The following KIAA1217 variants were observed in gnomAD, a reference collection of about 807,000 sequenced individuals.
KIAA1217 encodes sickle tail protein homolog.
A neutral mutation model predicts 163.9 loss-of-function variants in KIAA1217; 88 were observed. That is an observed-to-expected ratio of 0.54 (90% confidence interval 0.45 to 0.64). The LOEUF (loss-of-function observed/expected upper bound fraction) is 0.64, where lower values mean the gene tolerates loss of function less well. Ranked by LOEUF, KIAA1217 falls within the 30% of genes least tolerant of loss-of-function variation. The probability of loss-of-function intolerance (pLI) is 0.00; values close to 1 mark genes in which losing one functional copy is unlikely to be tolerated. For synonymous variants in KIAA1217, 903 were observed against 923.1 expected (o/e 0.98, Z 0.39); for missense variants, 2,372 against 2,475.0 (o/e 0.96, Z 0.88).
intron 2 of KIAA1217, among the ~76,000 whole-genome samples, chr10:24,267,338 T>C (rs1564372819): frequency 6.6e-6 from 1 of 152,174 alleles, no homozygotes; most frequent in Admixed American, 6.5e-5. Context: ...GGAATAAATA[T>C]TCTATCAGGA....
chr10:24,406,117 C>G (rs1416555942), intron 3 of KIAA1217, among the ~76,000 whole-genome samples: 1 of 152,126 alleles, frequency 6.6e-6, no homozygotes, highest in Non-Finnish European at 1.5e-5. Context: ...CATTGTGAAG[C>G]CATGTGTCCC....
At chr10:24,442,292 T>C (rs2060561455) in intron 5 of KIAA1217, among the ~76,000 whole-genome samples, 1 of 152,228 alleles carries the variant, frequency 6.6e-6, no homozygotes, top group African/African-American at 2.4e-5. Flanking sequence ...GCTTCCTTCA[T>C]TCCCTAACTC....
At chr10:24,153,039 C>G (rs1251600664) in intron 2 of KIAA1217, among the ~76,000 whole-genome samples, 1 of 152,350 alleles carries the variant, frequency 6.6e-6, no homozygotes, top group East Asian at 1.9e-4. Flanking sequence ...TGCAAATCCT[C>G]TGTTCTCCAG....
At chr10:24,088,088 G>A (rs1436921394) in intron 2 of KIAA1217, among the ~76,000 whole-genome samples, 1 of 122,900 alleles carries the variant, frequency 8.1e-6, no homozygotes, top group East Asian at 2.0e-4. Context: ...CAACTATATT[G>A]CATACAGTAA....
rs567696326 is a variant in KIAA1217, at chr10:24,061,733, C to T, written c.-171+54359C>T. ...CACTCCCTTCTGAATTGCAAGTATT[C>T]TGCTGAAAAACCCATTGAAAATCTT... On this transcript the variant is annotated intron_variant, in intron 2 of 18. Transcript: ENST00000376462. Among the ~76,000 whole-genome samples, 37 of 152,188 alleles carry T rather than the reference C, an allele frequency of 2.4e-4. 1 individual carries two copies. Among genetic ancestry groups the T allele is most frequent in the Admixed American group, 2.0e-3 (31 of 15,270 alleles).
At chr10:24,098,800 T>G (rs961775456) in intron 2 of KIAA1217, among the ~76,000 whole-genome samples, 1 of 150,732 alleles carries the variant, frequency 6.6e-6, no homozygotes, top group Non-Finnish European at 1.5e-5. Flanking sequence ...AGAATGCCTA[T>G]TGGAAGACCC....
intron 1 of KIAA1217, among the ~76,000 whole-genome samples, chr10:23,857,196 G>T (rs116206341): frequency 0.015 from 2,356 of 152,260 alleles, 65 homozygotes; most frequent in African/African-American, 0.051. Context: ...TTTGGGTAGG[G>T]ATGTGAATCC....
chr10:23,914,172 G>T (rs1842549736), intron 1 of KIAA1217, among the ~76,000 whole-genome samples: 1 of 152,146 alleles, frequency 6.6e-6, no homozygotes, highest in East Asian at 1.9e-4. Flanking sequence ...CATTCTTCCA[G>T]GCAGAGGAAG....
chr10:23,913,815 T>C (rs59774289), intron 1 of KIAA1217, among the ~76,000 whole-genome samples: 61,936 of 151,996 alleles, frequency 0.41, 15,657 homozygotes, highest in African/African-American at 0.72. Flanking sequence ...GACAATCCCA[T>C]GGGGGAGTCT....
At chr10:23,827,788 G>T (rs921335617) in intron 1 of KIAA1217, among the ~76,000 whole-genome samples, 2 of 152,208 alleles carry the variant, frequency 1.3e-5, no homozygotes, top group African/African-American at 4.8e-5. Flanking sequence ...GCCTGAAATT[G>T]CTGAGTAACG....
intron 2 of KIAA1217, among the ~76,000 whole-genome samples, chr10:24,318,251 T>C (rs766521749): frequency 1.3e-5 from 2 of 152,074 alleles, no homozygotes; most frequent in Non-Finnish European, 2.9e-5. Context: ...GATGTATAGA[T>C]AGATGAATAG....
intron 2 of KIAA1217, among the ~76,000 whole-genome samples, chr10:24,009,790 A>G (rs1284849560): frequency 2.0e-5 from 3 of 152,090 alleles, no homozygotes; most frequent in Non-Finnish European, 4.4e-5. Context: ...CTGGCTCTTG[A>G]CACTTGTTCT....
chr10:23,833,507 CA>C (rs1564460657), intron 1 of KIAA1217, among the ~76,000 whole-genome samples: 1 of 151,208 alleles, frequency 6.6e-6, no homozygotes, highest in Non-Finnish European at 1.5e-5. Context: ...CTAAGTAAAC[CA>C]TTATCTTTCC....
chr10:23,979,739 A>G (rs531758246), intron 1 of KIAA1217, among the ~76,000 whole-genome samples: 17 of 152,178 alleles, frequency 1.1e-4, no homozygotes, highest in Non-Finnish European at 1.5e-4. Context: ...GTGGAAGCCA[A>G]ATTGCAAGAT....
At chr10:24,404,856 G>GA (rs950180292) in intron 3 of KIAA1217, among the ~76,000 whole-genome samples, 1 of 151,674 alleles carries the variant, frequency 6.6e-6, no homozygotes, top group Non-Finnish European at 1.5e-5. Flanking sequence ...GCTCAGTGAG[G>GA]AAAAAAGAAA....
rs747937187 is a variant in KIAA1217, at chr10:24,495,128, C to T, written c.1785-19C>T. The T allele has an allele frequency of 3.7e-6, 6 of 1,602,262 alleles. No homozygotes were observed. The South Asian group carries it at 4.5e-5, about 12-fold the overall frequency. On this transcript the variant is annotated intron_variant, in intron 7 of 20. Coordinates refer to ENST00000376454, the MANE Select transcript of KIAA1217 (RefSeq NM_019590.5). ...CATTTTGGAAACTGCATAGCTGACT[C>T]TCTTTTTCTTTTATTCAGCGAGAAA...
chr10:24,100,305 C>T (rs1224168659), intron 2 of KIAA1217, among the ~76,000 whole-genome samples: 2 of 152,218 alleles, frequency 1.3e-5, no homozygotes, highest in African/African-American at 2.4e-5. Flanking sequence ...GGTTTCTGTG[C>T]AGACAGCGAC....
In KIAA1217 at chr10:24,038,175, A is replaced by G. The variant is rs568571842; in HGVS notation, c.-171+30801A>G. On this transcript the variant is annotated intron_variant, in intron 2 of 18. Coordinates refer to the KIAA1217 transcript ENST00000376462. Reference sequence around the variant, plus strand: ...GAAAATATACCATGCACTGTTGACCATGGCCCTGTGTTCAGCCTTTATGAT... The same window carrying G: ...GAAAATATACCATGCACTGTTGACCGTGGCCCTGTGTTCAGCCTTTATGAT... Among the ~76,000 whole-genome samples the G allele has an allele frequency of 2.0e-5, 3 of 152,294 alleles. No homozygotes were observed. In the East Asian group the frequency reaches 5.8e-4, roughly 29 times the overall value.
rs180955828 is a variant in KIAA1217, at chr10:24,301,780, C to T, written c.355-79089C>T. Among the ~76,000 whole-genome samples the T allele has an allele frequency of 4.5e-3, 693 of 152,338 alleles. 4 individuals are homozygous for T. Among genetic ancestry groups the T allele is most frequent in the Non-Finnish European group, 5.0e-3 (343 of 68,044 alleles). On this transcript the variant is annotated intron_variant, in intron 2 of 20. Coordinates refer to ENST00000376454, the MANE Select transcript of KIAA1217 (RefSeq NM_019590.5). ...AACGGGTTGGCCAGGCGCAGTGGCT[C>T]ATGCCTAAAATCCCAGCACTTTGGG...
Sources: gnomAD v4.1 joint callset for allele counts (sites outside exome capture counted in the v4.1 genomes callset) on GRCh38, gnomAD v4.1.1 for gene constraint, MANE v1.5 for transcripts, NCBI Gene and HGNC (gene_info 2026-07-23, HGNC 2026-07-21) for gene names.